SPOCK1: variants seen among roughly 807,000 people sequenced by gnomAD.
SPOCK1 encodes the protein testican-1.
A neutral mutation model predicts 55.3 loss-of-function variants in SPOCK1; 23 were observed. The ratio of observed to expected loss-of-function variants is 0.42; its 90% CI spans 0.30 to 0.59. The LOEUF (loss-of-function observed/expected upper bound fraction) is 0.59, where lower values mean the gene tolerates loss of function less well. Among genes scored for constraint, SPOCK1 ranks in the 20% least tolerant of loss-of-function variants. The pLI is 0.22. For synonymous variants in SPOCK1, 226 were observed against 221.0 expected (o/e 1.02, Z -0.20); for missense variants, 499 against 552.5 (o/e 0.90, Z 0.97).
At chr5:137,411,145 C>T (rs1045133721) in intron 2 of SPOCK1, among the ~76,000 whole-genome samples, 10 of 152,150 alleles carry the variant, frequency 6.6e-5, no homozygotes, top group African/African-American at 2.4e-4. Context: ...CAGTCCCTGC[C>T]CTCACAATCC....
In SPOCK1 at chr5:137,092,547, T is replaced by G. The variant is rs572184503; in HGVS notation, c.474+19888A>C. ...TGAGGTCAGACGTTCTCTTACTGTG[T>G]GCCCACCTGATACACACCCACTTTT... is the stretch of plus-strand genomic sequence containing the variant. On this transcript the variant is annotated intron_variant, in intron 5 of 10. Transcript: ENST00000394945. Among the ~76,000 whole-genome samples, 18 of 152,320 alleles carry G rather than the reference T, an allele frequency of 1.2e-4. 2 individuals are homozygous for G. Among genetic ancestry groups the G allele is most frequent in the Middle Eastern group, 6.8e-3 (2 of 294 alleles).
chr5:137,082,440 C>G (rs1400990612), intron 5 of SPOCK1, among the ~76,000 whole-genome samples: 1 of 152,106 alleles, frequency 6.6e-6, no homozygotes, highest in African/African-American at 2.4e-5. Flanking sequence ...GGAGAAAGAT[C>G]CACAGAGAAG....
chr5:137,154,248 T>C (rs901372862), intron 3 of SPOCK1, among the ~76,000 whole-genome samples: 4 of 151,662 alleles, frequency 2.6e-5, no homozygotes, highest in African/African-American at 4.8e-5. Flanking sequence ...GATGGCGCCG[T>C]TGCACTCCAG....
At chr5:137,416,364 A>G (rs1347401622) in intron 2 of SPOCK1, among the ~76,000 whole-genome samples, 1 of 152,130 alleles carries the variant, frequency 6.6e-6, no homozygotes, top group Non-Finnish European at 1.5e-5. Context: ...CTACACAAAG[A>G]TATAAAGAAC....
At chr5:137,376,361 G>C (rs968695145) in intron 2 of SPOCK1, among the ~76,000 whole-genome samples, 1 of 152,214 alleles carries the variant, frequency 6.6e-6, no homozygotes, top group Non-Finnish European at 1.5e-5. Flanking sequence ...AGGGAAGCCG[G>C]CCTGCCAAGA....
intron 3 of SPOCK1, among the ~76,000 whole-genome samples, chr5:137,200,034 G>A (rs915485184): frequency 2.6e-5 from 4 of 152,308 alleles, no homozygotes; most frequent in Non-Finnish European, 5.9e-5. Context: ...CTGAGCCTGC[G>A]CTAGAGCAGC....
intron 2 of SPOCK1, among the ~76,000 whole-genome samples, chr5:137,410,510 C>T (rs773397529): frequency 3.3e-5 from 5 of 152,186 alleles, no homozygotes; most frequent in South Asian, 4.1e-4. Flanking sequence ...GCATGGATCA[C>T]GGCTGTCAGG....
At chr5:137,290,131 CA>C (rs1757345407) in intron 2 of SPOCK1, among the ~76,000 whole-genome samples, 1 of 152,044 alleles carries the variant, frequency 6.6e-6, no homozygotes, top group African/African-American at 2.4e-5. Flanking sequence ...TACAGGAATA[CA>C]AAAAGATCTC....
intron 4 of SPOCK1, among the ~76,000 whole-genome samples, chr5:137,140,007 C>G (rs34241390): frequency 0.23 from 34,994 of 151,998 alleles, 4,428 homozygotes; most frequent in Non-Finnish European, 0.28. Context: ...GATACTTCCC[C>G]CTGGGCTGGG....
intron 2 of SPOCK1, among the ~76,000 whole-genome samples, chr5:137,348,452 C>G (rs1303271549): frequency 1.4e-5 from 2 of 141,640 alleles, no homozygotes; most frequent in African/African-American, 5.3e-5. Context: ...CAAATTGCTA[C>G]TTGCTGCAAT....
intron 2 of SPOCK1, among the ~76,000 whole-genome samples, chr5:137,343,970 G>A (rs1320704820): frequency 6.6e-6 from 1 of 152,096 alleles, no homozygotes; most frequent in Non-Finnish European, 1.5e-5. Context: ...ACCAGGCTAG[G>A]GTCCACAGGA....
At chr5:137,298,511 T>G (rs564961036) in intron 2 of SPOCK1, among the ~76,000 whole-genome samples, 1 of 152,306 alleles carries the variant, frequency 6.6e-6, no homozygotes, top group African/African-American at 2.4e-5. Flanking sequence ...TAGGTCAAGA[T>G]GGTTGATTGC....
intron 2 of SPOCK1, among the ~76,000 whole-genome samples, chr5:137,288,756 A>C (rs892230392): frequency 3.3e-5 from 5 of 152,286 alleles, no homozygotes; most frequent in African/African-American, 1.2e-4. Flanking sequence ...GGCTCTCCTA[A>C]CTGTACCAGG....
intron 2 of SPOCK1, among the ~76,000 whole-genome samples, chr5:137,270,900 GC>G (rs1756948845): frequency 1.3e-5 from 2 of 152,156 alleles, no homozygotes; most frequent in Admixed American, 1.3e-4. Flanking sequence ...TACCCGAGAG[GC>G]TGAGACAGGA....
At chr5:137,076,607 T>TAAAAAAAAAA (rs35285273) in intron 5 of SPOCK1, among the ~76,000 whole-genome samples, 1 of 112,664 alleles carries the variant, frequency 8.9e-6, no homozygotes. Flanking sequence ...GGACTGAAAG[T>TAAAAAAAAAA]AAAAAAAAAA....
chr5:137,040,938 G>A (rs533072489), intron 6 of SPOCK1, among the ~76,000 whole-genome samples: 3 of 152,108 alleles, frequency 2.0e-5, no homozygotes, highest in Non-Finnish European at 4.4e-5. Flanking sequence ...TGTGTACTTG[G>A]CCAGCACTAG....
At chr5:137,175,187 T>C (rs890075021) in intron 3 of SPOCK1, among the ~76,000 whole-genome samples, 3 of 152,074 alleles carry the variant, frequency 2.0e-5, no homozygotes, top group African/African-American at 7.2e-5. Flanking sequence ...CATGAAGCCT[T>C]GTGGAAAAGA....
chr5:137,025,029 C>A (rs904748717), intron 6 of SPOCK1, among the ~76,000 whole-genome samples: 8 of 152,104 alleles, frequency 5.3e-5, no homozygotes, highest in Non-Finnish European at 7.4e-5. Flanking sequence ...CTGCATGATT[C>A]CACTTATATG....
intron 3 of SPOCK1, among the ~76,000 whole-genome samples, chr5:137,214,248 G>A (rs10038796): frequency 0.17 from 25,826 of 152,088 alleles, 2,487 homozygotes; most frequent in South Asian, 0.26. Context: ...AAAAACTGAA[G>A]CTTGGAGGGG....
Sources: gnomAD v4.1 joint callset for allele counts (sites outside exome capture counted in the v4.1 genomes callset) on GRCh38, gnomAD v4.1.1 for gene constraint, MANE v1.5 for transcripts, NCBI Gene and HGNC (gene_info 2026-07-23, HGNC 2026-07-21) for gene names.